PTPRD: variants seen among roughly 807,000 people sequenced by gnomAD.
PTPRD encodes the protein protein tyrosine phosphatase receptor type D, also known as receptor-type tyrosine-protein phosphatase delta.
A neutral mutation model predicts 214.5 loss-of-function variants in PTPRD; 34 were observed. The ratio of observed to expected loss-of-function variants is 0.16; its 90% CI spans 0.12 to 0.21. PTPRD has a LOEUF of 0.21. PTPRD is among the 10% of genes least tolerant of loss of function. The pLI is 1.00. For missense variants in PTPRD, 2,545 were observed against 2,398.7 expected, an observed-to-expected ratio of 1.06 and a Z score of -1.27; for synonymous variants, 1,128 against 845.7, an observed-to-expected ratio of 1.33 and a Z score of -5.79.
chr9:10,291,708 T>C (rs1377877712), intron 3 of PTPRD, among the ~76,000 whole-genome samples: 3 of 152,058 alleles, frequency 2.0e-5, no homozygotes, highest in African/African-American at 7.2e-5. Context: ...ATACCTTCAC[T>C]TCACACAGTG....
At chr9:10,321,580 G>A (rs562432434) in intron 3 of PTPRD, among the ~76,000 whole-genome samples, 10 of 152,106 alleles carry the variant, frequency 6.6e-5, no homozygotes, top group South Asian at 4.2e-4. Context: ...GCAATGAAAC[G>A]ATTTTGAAGG....
At chr9:9,541,815 G>A (rs2077643398) in intron 8 of PTPRD, among the ~76,000 whole-genome samples, 1 of 151,746 alleles carries the variant, frequency 6.6e-6, no homozygotes, top group African/African-American at 2.4e-5. Flanking sequence ...CAGCAGGGCA[G>A]GAATGGTGAG....
intron 2 of PTPRD, among the ~76,000 whole-genome samples, chr9:10,406,647 A>G (rs2098365146): frequency 1.3e-5 from 2 of 151,664 alleles, no homozygotes. Context: ...CTGTAACTTT[A>G]GCTGTAAATA....
chr9:9,460,100 C>G (rs2093496611), intron 8 of PTPRD, among the ~76,000 whole-genome samples: 2 of 151,918 alleles, frequency 1.3e-5, no homozygotes, highest in Non-Finnish European at 2.9e-5. Context: ...GGGGAAAGGA[C>G]ATCTTATTCA....
intron 11 of PTPRD, among the ~76,000 whole-genome samples, chr9:8,905,542 C>A (rs1048387523): frequency 1.3e-5 from 2 of 151,870 alleles, no homozygotes; most frequent in South Asian, 2.1e-4. Flanking sequence ...CATTCAAGAC[C>A]AGCCTGGCCA....
At chr9:10,351,053 G>T (rs1039951071) in intron 2 of PTPRD, among the ~76,000 whole-genome samples, 7 of 152,028 alleles carry the variant, frequency 4.6e-5, no homozygotes, top group Non-Finnish European at 7.4e-5. Context: ...ATACACAAAA[G>T]GAGGTTCACT....
At chr9:9,909,598 G>A (rs771866674) in intron 5 of PTPRD, among the ~76,000 whole-genome samples, 2 of 151,492 alleles carry the variant, frequency 1.3e-5, no homozygotes, top group Non-Finnish European at 3.0e-5. Context: ...TAAAATATGG[G>A]GCAGTTTAAT....
At chr9:10,525,727 A>AGTGTGTGTGTGTGTGTGTGT (rs398010299) in intron 2 of PTPRD, among the ~76,000 whole-genome samples, 1,993 of 146,986 alleles carry the variant, frequency 0.014, 19 homozygotes, top group African/African-American at 0.022. Context: ...AGATTTTCAA[A>AGTGTGTGTGTGTGTGTGTGT]GTGTGTGTGT....
chr9:8,795,624 T>C (rs2096391834), intron 11 of PTPRD, among the ~76,000 whole-genome samples: 1 of 129,914 alleles, frequency 7.7e-6, no homozygotes, highest in Non-Finnish European at 1.8e-5. Flanking sequence ...AATCAATATA[T>C]CATTTATCAC....
chr9:9,449,952 T>G (rs1369044934), intron 8 of PTPRD, among the ~76,000 whole-genome samples: 4 of 151,970 alleles, frequency 2.6e-5, no homozygotes, highest in Non-Finnish European at 4.4e-5. Context: ...CCACATATCT[T>G]AGCTCCCACT....
chr9:8,495,556 G>C (rs1271526530), intron 26 of PTPRD, among the ~76,000 whole-genome samples: 2 of 152,182 alleles, frequency 1.3e-5, no homozygotes, highest in African/African-American at 4.8e-5. Flanking sequence ...AATTTAGTCA[G>C]TCATGACCAG....
chr9:8,551,472 T>C (rs1320510168), intron 14 of PTPRD, among the ~76,000 whole-genome samples: 1 of 152,210 alleles, frequency 6.6e-6, no homozygotes, highest in Non-Finnish European at 1.5e-5. Context: ...TCTCTTTTCC[T>C]TTCTCTTTTC....
chr9:8,903,182 C>T (rs1478809954), intron 11 of PTPRD, among the ~76,000 whole-genome samples: 2 of 151,646 alleles, frequency 1.3e-5, no homozygotes, highest in Non-Finnish European at 2.9e-5. Context: ...TTTAGATTCA[C>T]AGGTACATGT....
chr9:9,253,057 T>A (rs936998432), intron 9 of PTPRD, among the ~76,000 whole-genome samples: 10 of 152,198 alleles, frequency 6.6e-5, no homozygotes, highest in South Asian at 6.2e-4. Flanking sequence ...AATTGTGAAA[T>A]TTTAAAAAGG....
At chr9:10,231,034 A>G (rs1468947570) in intron 3 of PTPRD, among the ~76,000 whole-genome samples, 1 of 151,980 alleles carries the variant, frequency 6.6e-6, no homozygotes, top group Non-Finnish European at 1.5e-5. Flanking sequence ...CTGACAAAAT[A>G]ACCTCCTGGA....
At chr9:8,600,044 C>T (rs1047390277) in intron 14 of PTPRD, among the ~76,000 whole-genome samples, 2 of 152,200 alleles carry the variant, frequency 1.3e-5, no homozygotes, top group Admixed American at 1.3e-4. Flanking sequence ...CACGCTGCCC[C>T]TCCCCCATCC....
intron 8 of PTPRD, among the ~76,000 whole-genome samples, chr9:9,517,178 C>T (rs2096858702): frequency 6.6e-6 from 1 of 152,048 alleles, no homozygotes; most frequent in Non-Finnish European, 1.5e-5. Context: ...TTGTGAGGCA[C>T]TGTGCCAGGT....
chr9:9,681,838 C>T (rs1425005536), intron 7 of PTPRD, among the ~76,000 whole-genome samples: 3 of 151,732 alleles, frequency 2.0e-5, no homozygotes, highest in Non-Finnish European at 2.9e-5. Context: ...GCACATAAAC[C>T]CAGCAGAGGG....
intron 44 of PTPRD, among the ~76,000 whole-genome samples, chr9:8,320,830 A>T (rs1826642713): frequency 6.6e-6 from 1 of 152,136 alleles, no homozygotes; most frequent in South Asian, 2.1e-4. Context: ...GCTCTTGTGC[A>T]CTTAAGGAGG....
Sources: allele counts gnomAD v4.1 joint callset (sites outside exome capture counted in the v4.1 genomes callset), GRCh38; gene constraint gnomAD v4.1.1; transcripts MANE v1.5; gene names NCBI Gene and HGNC (gene_info 2026-07-23, HGNC 2026-07-21).